CLEC7A: variants seen among roughly 807,000 people sequenced by gnomAD.
The protein encoded by CLEC7A is C-type lectin domain family 7 member A.
In CLEC7A, 25 loss-of-function variants were observed where a neutral mutation model predicts 26.9. The observed-to-expected ratio is 0.93, with a 90% CI of 0.68 to 1.30. The LOEUF is 1.30. Ranked by LOEUF, CLEC7A falls within the 50% of genes most tolerant of loss-of-function variation. The pLI is 0.00. For missense variants in CLEC7A, 275 were observed against 286.7 expected, an observed-to-expected ratio of 0.96 and a Z score of 0.29; for synonymous variants, 100 against 99.5, an observed-to-expected ratio of 1.01 and a Z score of -0.03.
At chr12:10,120,210 T>C (rs890457428) in intron 5 of CLEC7A, among the ~76,000 whole-genome samples, 3 of 152,206 alleles carry the variant, frequency 2.0e-5, no homozygotes, top group Admixed American at 2.0e-4. Context: ...TCAATGGGTC[T>C]GTAATGAATG....
chr12:10,126,505 C>G (rs1041874800), intron 3 of CLEC7A, 66 bp downstream of exon 3: 1 of 1,515,498 alleles, frequency 6.6e-7, no homozygotes, highest in Non-Finnish European at 8.8e-7. Flanking sequence ...ACACCCCTGC[C>G]CCAGGCTTCA....
rs999589304 is a variant in CLEC7A at position 10,123,690 on chromosome 12, A to G, written c.493-327T>C. ...GCAGGAGAATGGCATGAACCCGGGA[A>G]GCGGAGCTTGCAGTGAGCCGAGATT... is the stretch of plus-strand genomic sequence containing the variant. On this transcript the variant is annotated intron_variant, in intron 4 of 5. Coordinates refer to ENST00000304084, the MANE Select transcript of CLEC7A (RefSeq NM_197947.3). Among the ~76,000 whole-genome samples, 17 of 138,922 alleles carry G rather than the reference A, an allele frequency of 1.2e-4. 1 individual carries two copies. Among genetic ancestry groups the G allele is most frequent in the Non-Finnish European group, 2.5e-4 (17 of 66,718 alleles). The allele number at this position is 138,922 out of a possible 152,430, so 91.1% of individuals were successfully genotyped here. A position where few individuals can be genotyped will look rare whatever the true frequency, so the allele number is the denominator to read the frequency against.
At chr12:10,126,931 AAG>A in intron 2 of CLEC7A, 2 of 898,876 alleles carry the variant, frequency 2.2e-6, no homozygotes, top group South Asian at 2.3e-5. Context: ...AAAAAAAGAA[AAG>A]AAAAAAGAAG....
chr12:10,120,701 T>G (rs993058027), intron 5 of CLEC7A, among the ~76,000 whole-genome samples: 6 of 151,608 alleles, frequency 4.0e-5, no homozygotes. Flanking sequence ...GTGCTGGGAT[T>G]ATAGGCGTGA....
chr12:10,123,394 AAGAGAGAGAG>A (rs748416724), intron 4 of CLEC7A, 31 bp from the exon 5 acceptor site: 9 of 1,081,984 alleles, frequency 8.3e-6, no homozygotes, highest in Non-Finnish European at 1.1e-5. Context: ...ATATATAATA[AAGAGAGAGAG>A]AGAGAGAGAA....
At chr12:10,123,410 G>GACAC in intron 4 of CLEC7A, 47 bp from the exon 5 acceptor site, 2 of 1,085,730 alleles carry the variant, frequency 1.8e-6, no homozygotes, top group Non-Finnish European at 2.8e-6. Context: ...GAGAGAGAGA[G>GACAC]AGAAAGAAAC....
In CLEC7A at chr12:10,128,237, CA is replaced by C. The variant is rs1565409984; in HGVS notation, c.104-393del. On this transcript the variant is annotated intron_variant, in intron 1 of 5. Transcript: ENST00000304084. ...ACACACACACACACACACACACACA[CA>C]CACACACACCACCAACAACAACAAC... Among the ~76,000 whole-genome samples the C allele has an allele frequency of 2.2e-3, 323 of 144,514 alleles. 1 individual carries two copies. The highest frequency in any genetic ancestry group is 3.3e-3 in the Non-Finnish European group (224 of 67,752). 94.8% of individuals were successfully genotyped at this position (144,514 alleles called of 152,430 possible).
intron 5 of CLEC7A, 77 bp from the exon 6 acceptor site, chr12:10,118,667 G>A: frequency 8.0e-7 from 1 of 1,254,464 alleles, no homozygotes; most frequent in Non-Finnish European, 1.1e-6. Context: ...AAATAAATTA[G>A]TAAGGATATT....
intron 5 of CLEC7A, among the ~76,000 whole-genome samples, chr12:10,122,040 G>C (rs1232797942): frequency 6.6e-6 from 1 of 152,008 alleles, no homozygotes; most frequent in East Asian, 1.9e-4. Context: ...AAATAAATTA[G>C]ATGGAAGGAA....
rs1478662106 is a variant in CLEC7A, at chr12:10,123,274, C to T, written c.582G>A (p.Trp194Ter). ...SRPQTEVPWL[W>*]EDGSTFSSNL... ...TAGAAGAGAATGTTGATCCATCCTC[C>T]CAGAGCCATGGTACCTCAGTCTGGG... Residue 194 changes from tryptophan to a stop codon, truncating the protein, a stop_gained, in exon 5 of 6, where the codon TGG (tryptophan) becomes TGA (stop). Coordinates refer to ENST00000304084, the MANE Select transcript of CLEC7A (RefSeq NM_197947.3). LOFTEE classifies it low-confidence loss of function (END_TRUNC). The T allele has an allele frequency of 1.2e-6, 2 of 1,611,328 alleles. No homozygotes were observed. Among genetic ancestry groups the T allele is most frequent in the Non-Finnish European group, 1.7e-6 (2 of 1,177,592 alleles).
In CLEC7A at chr12:10,118,305, C is replaced by G. The variant is rs988332941; in HGVS notation, c.*153G>C. 3.1e-6 allele frequency: 2 copies of G among 655,712 alleles called. No individual in the cohort carries two copies. The highest frequency in any genetic ancestry group is 5.1e-6 in the Non-Finnish European group (2 of 395,462). The allele number at this position is 655,712 out of a possible 1,614,324, so 40.6% of individuals were successfully genotyped here. On this transcript the variant is annotated 3_prime_UTR_variant, in exon 6 of 6. Coordinates refer to ENST00000304084, the MANE Select transcript of CLEC7A (RefSeq NM_197947.3). Reference sequence around the variant, plus strand: ...GGTCGACAAATACAGAAATCACAGCCTCTCCCTTCAATTTCTTGGTTAAGA... The same window carrying G: ...GGTCGACAAATACAGAAATCACAGCGTCTCCCTTCAATTTCTTGGTTAAGA...
rs112345533 is a variant in CLEC7A at position 10,125,439 on chromosome 12, G to A, written c.350C>T (p.Ser117Phe). 9 of 1,610,974 alleles carry A rather than the reference G, an allele frequency of 5.6e-6. No individual in the cohort carries two copies. Among genetic ancestry groups the A allele is most frequent in the African/African-American group, 5.3e-5 (4 of 74,880 alleles). ...TKAVKTTGVL[S>F]SPCPPNWIIY... ...AATCCAATTAGGAGGACAAGGGCTG[G>A]AAAGAACCCCTGGAAATAAAAGATT... Residue 117 changes from serine to phenylalanine, a missense_variant, in exon 4 of 6, where the codon TCC becomes TTC. Ser to Phe is a radical substitution (Grantham distance 155). Transcript: ENST00000304084.
chr12:10,126,058 G>T, intron 3 of CLEC7A: 1 of 413,752 alleles, frequency 2.4e-6, no homozygotes, highest in Non-Finnish European at 3.2e-6. Context: ...GAAATTGTAT[G>T]ATTAAACAAA....
Position 10,126,645 on chromosome 12 carries a change from T to C in CLEC7A, c.266A>G (p.Lys89Arg). Residue 89 changes from lysine (K) to arginine (R), a missense_variant, in exon 3 of 6, where the codon AAA (lysine) becomes AGA (arginine). Lys to Arg is a conservative substitution (Grantham distance 26). Transcript: ENST00000304084. ...TTGTGTGGGTTGACTGTGGTTCTCT[T>C]TATTTCTTGATAGAAAGTAGCCATT... The part of the protein sequence containing the change: ...LENGYFLSRN[K>R]ENHSQPTQSS... The C allele has an allele frequency of 1.2e-6, 2 of 1,613,128 alleles. No homozygotes were observed. Among genetic ancestry groups the C allele is most frequent in the Non-Finnish European group, 1.7e-6 (2 of 1,179,620 alleles).
At chr12:10,127,921 C>A (rs1591962775) in intron 1 of CLEC7A, 76 bp from the exon 2 acceptor site, 2 of 1,039,380 alleles carry the variant, frequency 1.9e-6, no homozygotes, top group South Asian at 3.3e-5. Flanking sequence ...TTCTACAGTT[C>A]ATCAAAAATC....
At chr12:10,127,173 G>C (rs1287752725) in intron 2 of CLEC7A, 1 of 1,046,306 alleles carries the variant, frequency 9.6e-7, no homozygotes, top group African/African-American at 1.6e-5. Flanking sequence ...ACAACAGATT[G>C]CATGTGATAT....
In CLEC7A at chr12:10,119,838, T is replaced by TA. The variant is rs777597817; in HGVS notation, c.612-1249dup. Among the ~76,000 whole-genome samples the TA allele has an allele frequency of 5.5e-3, 761 of 139,094 alleles. 5 individuals carry two copies. The highest frequency in any genetic ancestry group is 0.011 in the African/African-American group (400 of 37,038). 91.3% of individuals were successfully genotyped at this position (139,094 alleles called of 152,430 possible). A position where few individuals can be genotyped will look rare whatever the true frequency, so the allele number is the denominator to read the frequency against. On this transcript the variant is annotated intron_variant, in intron 5 of 5. Transcript: ENST00000304084. ...ACTAATCAACACAAAAGAAAAATAG[T>TA]AAAAAAAAAAACAAACAGAAACAGA...
At position 10,118,435 on chromosome 12, in the gene CLEC7A, T is replaced by C; in HGVS notation, c.*23A>G. The C allele has an allele frequency of 6.3e-7, 1 of 1,594,392 alleles. No homozygotes were observed. The highest frequency in any genetic ancestry group is 1.1e-5 in the South Asian group (1 of 90,508). On this transcript the variant is annotated 3_prime_UTR_variant, in exon 6 of 6. Transcript: ENST00000304084. ...TCCTCCTTACTACCTCACATATTTC[T>C]CTCTCCTTCTCCACCCTTCCTCTTA...
At chr12:10,124,826 A>T (rs1948217511) in intron 4 of CLEC7A, 1 of 153,718 alleles carries the variant, frequency 6.5e-6, no homozygotes, top group South Asian at 2.0e-4. Context: ...ACAGTTTTTT[A>T]AATTAGTTAA....
Sources: allele counts gnomAD v4.1 joint callset (sites outside exome capture counted in the v4.1 genomes callset), GRCh38; gene constraint gnomAD v4.1.1; transcripts MANE v1.5; gene names NCBI Gene and HGNC (gene_info 2026-07-23, HGNC 2026-07-21).